ST6GAL1: variants seen among roughly 807,000 people sequenced by gnomAD.
The protein encoded by ST6GAL1 is beta-galactoside alpha-2,6-sialyltransferase 1.
ST6GAL1 carries 20 observed loss-of-function variants against 38.0 expected under a neutral mutation model. The observed-to-expected ratio is 0.53, with a 90% CI of 0.37 to 0.77. The LOEUF is 0.77. Ranked by LOEUF, ST6GAL1 falls within the 30% of genes least tolerant of loss-of-function variation. The pLI is 0.00. For missense variants in ST6GAL1, 432 were observed against 496.4 expected (o/e 0.87, Z 1.23); for synonymous variants, 196 against 188.2 (o/e 1.04, Z -0.34).
Position 187,051,239 on chromosome 3 carries a change from T to C in ST6GAL1, c.608-10T>C. ...TCATCACCTCTTTTCTGTTTCTTTG[T>C]GGTTTATAGATGATCATGACGCAGT... On this transcript the variant is annotated splice_polypyrimidine_tract_variant and intron_variant, in intron 4 of 7. Coordinates refer to ENST00000169298, the MANE Select transcript of ST6GAL1 (RefSeq NM_173216.2). The C allele has an allele frequency of 6.2e-7, 1 of 1,613,070 alleles. No individual in the cohort carries two copies. The highest frequency in any genetic ancestry group is 8.5e-7 in the Non-Finnish European group (1 of 1,179,156).
chr3:187,050,606 G>A (rs1287478041), intron 4 of ST6GAL1, among the ~76,000 whole-genome samples: 2 of 151,514 alleles, frequency 1.3e-5, no homozygotes, highest in Non-Finnish European at 2.9e-5. Context: ...AGGAAAAGAA[G>A]GAAGGAAGGA....
At chr3:186,969,333 G>A (rs1342592186) in intron 2 of ST6GAL1, among the ~76,000 whole-genome samples, 6 of 152,290 alleles carry the variant, frequency 3.9e-5, no homozygotes, top group African/African-American at 1.2e-4. Context: ...GATTACAGGC[G>A]TGAGCCACAG....
At chr3:186,932,754 A>C (rs1713804025) in intron 1 of ST6GAL1, among the ~76,000 whole-genome samples, 1 of 28,896 alleles carries the variant, frequency 3.5e-5, no homozygotes, top group African/African-American at 6.8e-5. Flanking sequence ...TGATCTTATT[A>C]AAGTTACTTT....
chr3:187,047,965 CAG>C (rs1341693305), intron 4 of ST6GAL1, among the ~76,000 whole-genome samples: 3 of 144,312 alleles, frequency 2.1e-5, no homozygotes, highest in Non-Finnish European at 3.0e-5. Flanking sequence ...TTTTTTGAGA[CAG>C]AGTCTTGCTC....
rs551347009 is a variant in ST6GAL1, at chr3:186,994,570, A to G, written c.-183+30644A>G. Among the ~76,000 whole-genome samples the G allele has an allele frequency of 3.2e-4, 49 of 152,216 alleles. 1 individual carries two copies. Among genetic ancestry groups the G allele is most frequent in the Non-Finnish European group, 4.7e-4 (32 of 68,042 alleles). On this transcript the variant is annotated intron_variant, in intron 2 of 7. Transcript: ENST00000169298. ...TACTGCACATGAATAGTCATACAAA[A>G]TAAGATGTTATTTTAACTGACTTCA...
intron 4 of ST6GAL1, among the ~76,000 whole-genome samples, chr3:187,047,031 C>T (rs575692001): frequency 5.3e-5 from 8 of 152,196 alleles, no homozygotes; most frequent in East Asian, 1.9e-4. Context: ...CTGCAAGCTC[C>T]GCCTCCCAGG....
chr3:187,025,090 G>A (rs939988989), intron 2 of ST6GAL1, among the ~76,000 whole-genome samples: 2 of 151,666 alleles, frequency 1.3e-5, no homozygotes, highest in Admixed American at 6.6e-5. Context: ...GGGGTGGTAC[G>A]ATTCTGCCAG....
intron 6 of ST6GAL1, 64 bp downstream of exon 6, chr3:187,073,011 TC>T: frequency 7.3e-7 from 1 of 1,365,322 alleles, no homozygotes; most frequent in Non-Finnish European, 1.0e-6. Context: ...TTTCCTGATT[TC>T]CTAGGTTTTT....
intron 5 of ST6GAL1, among the ~76,000 whole-genome samples, chr3:187,062,342 C>T (rs1184473473): frequency 6.6e-6 from 1 of 152,058 alleles, no homozygotes. Flanking sequence ...CGTATATGTA[C>T]AGAAATTGAA....
At chr3:186,994,522 T>A (rs531943605) in intron 2 of ST6GAL1, among the ~76,000 whole-genome samples, 1 of 152,182 alleles carries the variant, frequency 6.6e-6, no homozygotes, top group Admixed American at 6.5e-5. Context: ...GTGGGGGGAC[T>A]TTTTGTTTGT....
intron 1 of ST6GAL1, among the ~76,000 whole-genome samples, chr3:186,955,492 G>C (rs942151286): frequency 6.6e-6 from 1 of 151,156 alleles, no homozygotes; most frequent in African/African-American, 2.4e-5. Flanking sequence ...ATTTGTTTGT[G>C]TCTTCTCTTT....
chr3:186,978,056 C>T (rs1715575887), intron 2 of ST6GAL1, among the ~76,000 whole-genome samples: 1 of 151,798 alleles, frequency 6.6e-6, no homozygotes, highest in Non-Finnish European at 1.5e-5. Context: ...ACTAAAAATA[C>T]AAAAATTAGC....
chr3:187,039,796 C>T (rs1718066808), intron 3 of ST6GAL1, among the ~76,000 whole-genome samples: 2 of 152,224 alleles, frequency 1.3e-5, no homozygotes. Context: ...TGACCAGAAA[C>T]TCCAGCCACC....
chr3:186,995,850 A>C (rs1716386737), intron 2 of ST6GAL1, among the ~76,000 whole-genome samples: 1 of 152,196 alleles, frequency 6.6e-6, no homozygotes, highest in Admixed American at 6.5e-5. Context: ...TCTTGAGAAA[A>C]AAAAAAGATT....
intron 5 of ST6GAL1, among the ~76,000 whole-genome samples, chr3:187,063,287 T>C (rs1032026540): frequency 1.3e-5 from 2 of 152,152 alleles, no homozygotes; most frequent in African/African-American, 4.8e-5. Context: ...GTGCGAGTGG[T>C]GTAGCTGGAG....
intron 2 of ST6GAL1, among the ~76,000 whole-genome samples, chr3:186,981,650 C>T (rs925171052): frequency 6.6e-6 from 1 of 152,126 alleles, no homozygotes. Flanking sequence ...TTTTTGAATT[C>T]TCAAGGTCCA....
intron 2 of ST6GAL1, among the ~76,000 whole-genome samples, chr3:187,017,687 A>C (rs1281298494): frequency 6.6e-6 from 1 of 152,214 alleles, no homozygotes; most frequent in Non-Finnish European, 1.5e-5. Context: ...AGGTAGTTGC[A>C]CTTCAGTGAT....
intron 2 of ST6GAL1, among the ~76,000 whole-genome samples, chr3:187,029,865 G>A (rs1360256957): frequency 6.6e-6 from 1 of 152,190 alleles, no homozygotes; most frequent in East Asian, 1.9e-4. Context: ...TGAGGAAAGT[G>A]AGGAACAGTG....
intron 2 of ST6GAL1, among the ~76,000 whole-genome samples, chr3:187,031,440 C>CTT (rs530077232): frequency 1.4e-5 from 2 of 145,510 alleles, no homozygotes; most frequent in African/African-American, 5.0e-5. Flanking sequence ...AGTGGATTAT[C>CTT]TTTTTTTTTT....
Sources: gnomAD v4.1 joint callset for allele counts (sites outside exome capture counted in the v4.1 genomes callset) on GRCh38, gnomAD v4.1.1 for gene constraint, MANE v1.5 for transcripts, NCBI Gene and HGNC (gene_info 2026-07-23, HGNC 2026-07-21) for gene names.